CNTN6: variants seen among roughly 807,000 people sequenced by gnomAD.
CNTN6 encodes the protein contactin 6, also known as contactin-6.
CNTN6 carries 137 observed loss-of-function variants against 122.8 expected under a neutral mutation model. That is an observed-to-expected ratio of 1.12 (90% CI 0.97 to 1.29). CNTN6 has a LOEUF of 1.29. Among genes scored for constraint, CNTN6 ranks in the 50% most tolerant of loss-of-function variants. CNTN6 has a pLI of 0.00. For missense variants in CNTN6, 1,634 were observed against 1,223.4 expected, an observed-to-expected ratio of 1.34 and a Z score of -5.01; for synonymous variants, 570 against 426.0, an observed-to-expected ratio of 1.34 and a Z score of -4.16.
chr3:1,326,603 A>G (rs1426682362), intron 9 of CNTN6, among the ~76,000 whole-genome samples: 2 of 151,864 alleles, frequency 1.3e-5, no homozygotes, highest in Non-Finnish European at 2.9e-5. Flanking sequence ...TTCTTCTACA[A>G]TACCTAGAAA....
chr3:1,268,327 G>C (rs1257515769), intron 4 of CNTN6, among the ~76,000 whole-genome samples: 2 of 152,176 alleles, frequency 1.3e-5, no homozygotes, highest in Non-Finnish European at 2.9e-5. Flanking sequence ...TAGAGAGTGG[G>C]CTGGGCGCGG....
intron 16 of CNTN6, among the ~76,000 whole-genome samples, chr3:1,374,815 A>G (rs1709623977): frequency 6.6e-6 from 1 of 152,108 alleles, no homozygotes; most frequent in South Asian, 2.1e-4. Context: ...AGTGTGCACA[A>G]TTGTCAGAAG....
chr3:1,279,576 G>T (rs1693010904), intron 5 of CNTN6, among the ~76,000 whole-genome samples: 1 of 152,200 alleles, frequency 6.6e-6, no homozygotes, highest in Non-Finnish European at 1.5e-5. Flanking sequence ...CAGCTGGCAG[G>T]CAATGAAGCC....
intron 1 of CNTN6, among the ~76,000 whole-genome samples, chr3:1,101,863 G>A (rs2124959913): frequency 6.6e-6 from 1 of 152,218 alleles, no homozygotes; most frequent in South Asian, 2.1e-4. Context: ...TAAGTTTAAT[G>A]GTATGCAAAT....
chr3:1,140,522 C>T (rs1574992405), intron 1 of CNTN6, among the ~76,000 whole-genome samples: 1 of 152,144 alleles, frequency 6.6e-6, no homozygotes, highest in South Asian at 2.1e-4. Flanking sequence ...AGAAAGCTGA[C>T]TTCTATTATC....
chr3:1,355,129 A>C (rs368111547), intron 12 of CNTN6, among the ~76,000 whole-genome samples: 4 of 151,662 alleles, frequency 2.6e-5, no homozygotes, highest in Non-Finnish European at 5.9e-5. Flanking sequence ...TTTAACCTTC[A>C]TGACACATCC....
Position 1,314,629 on chromosome 3 carries a change from G to A in CNTN6, c.762-7021G>A, listed in dbSNP as rs112590894. ...AAATCAGGATGAACTAGGTCAGATG[G>A]TTAAGAAGTGTATTCTCTGTCTTCA... On this transcript the variant is annotated intron_variant, in intron 7 of 22. Transcript: ENST00000446702. Among the ~76,000 whole-genome samples, 678 of 152,184 alleles carry A rather than the reference G, an allele frequency of 4.5e-3. 3 individuals carry two copies. The highest frequency in any genetic ancestry group is 0.016 in the African/African-American group (651 of 41,556).
At chr3:1,393,785 C>G (rs958450004) in intron 20 of CNTN6, among the ~76,000 whole-genome samples, 2 of 152,004 alleles carry the variant, frequency 1.3e-5, no homozygotes, top group African/African-American at 4.8e-5. Context: ...GAACACTGAA[C>G]TAATCATTTA....
chr3:1,167,799 G>A (rs1442240291), intron 2 of CNTN6, among the ~76,000 whole-genome samples: 1 of 152,194 alleles, frequency 6.6e-6, no homozygotes, highest in Admixed American at 6.5e-5. Flanking sequence ...TCAACAGAGT[G>A]AAGGGATGCT....
intron 6 of CNTN6, among the ~76,000 whole-genome samples, chr3:1,296,853 CT>C (rs1473589718): frequency 6.6e-6 from 1 of 151,984 alleles, no homozygotes; most frequent in African/African-American, 2.4e-5. Flanking sequence ...CATGTTTTTC[CT>C]TTTTTTGTTT....
chr3:1,235,511 A>C (rs1165839692), intron 4 of CNTN6, among the ~76,000 whole-genome samples: 1 of 151,922 alleles, frequency 6.6e-6, no homozygotes, highest in Non-Finnish European at 1.5e-5. Flanking sequence ...AATTATCTGA[A>C]TTTATATCCA....
chr3:1,313,825 C>G (rs1699733858), intron 7 of CNTN6, among the ~76,000 whole-genome samples: 1 of 152,032 alleles, frequency 6.6e-6, no homozygotes, highest in Non-Finnish European at 1.5e-5. Context: ...AAGGCAACAG[C>G]AGACTTAGTG....
intron 7 of CNTN6, among the ~76,000 whole-genome samples, chr3:1,300,500 AAAG>A (rs1408066972): frequency 8.6e-5 from 11 of 127,262 alleles, no homozygotes; most frequent in African/African-American, 2.8e-4. Flanking sequence ...AGGAAAAAGA[AAAG>A]AAAGAGAAAG....
intron 5 of CNTN6, among the ~76,000 whole-genome samples, chr3:1,286,078 C>T (rs1420510568): frequency 6.6e-6 from 1 of 152,236 alleles, no homozygotes; most frequent in South Asian, 2.1e-4. Context: ...CTTTCCAGCA[C>T]ATCAAACAGA....
chr3:1,309,020 A>G (rs1272920182), intron 7 of CNTN6, among the ~76,000 whole-genome samples: 1 of 152,112 alleles, frequency 6.6e-6, no homozygotes, highest in African/African-American at 2.4e-5. Flanking sequence ...TTCTTTGCAT[A>G]TTTTGAACAT....
chr3:1,238,474 T>C lies in CNTN6; in HGVS notation c.358+10481T>C, dbSNP rs138123672. 7.2e-5 allele frequency among the ~76,000 whole-genome samples: 11 copies of C among 152,256 alleles called. No homozygotes were observed. The East Asian group carries it at 1.9e-3, about 27-fold the overall frequency. On this transcript the variant is annotated intron_variant, in intron 4 of 22. Transcript: ENST00000446702. ...TACTATACCTAAGAAATGAGATAGA[T>C]GGCAACACAATAATAGTGGAGGACT...
rs145410061 is a variant in CNTN6, at chr3:1,115,411, T to C, written c.-83+22291T>C. Among the ~76,000 whole-genome samples, 15 of 152,290 alleles carry C rather than the reference T, an allele frequency of 9.8e-5. No individual in the cohort carries two copies. In the East Asian group the frequency reaches 2.1e-3, roughly 22 times the overall value. ...TTCCAAAACATCACCATTTTCTTCATAGAGATTTTAAAGCCTTTTTCAATC... is the reference window on the plus strand; with the variant it reads ...TTCCAAAACATCACCATTTTCTTCACAGAGATTTTAAAGCCTTTTTCAATC... On this transcript the variant is annotated intron_variant, in intron 1 of 22. Coordinates refer to ENST00000446702, the MANE Select transcript of CNTN6 (RefSeq NM_001289080.2).
At chr3:1,368,734 A>T (rs935857185) in intron 12 of CNTN6, among the ~76,000 whole-genome samples, 6 of 152,332 alleles carry the variant, frequency 3.9e-5, no homozygotes, top group African/African-American at 1.4e-4. Context: ...GTATAAAATT[A>T]TGACACCAAA....
intron 8 of CNTN6, 146 bp from the exon 9 acceptor site, chr3:1,325,669 C>T: frequency 3.1e-6 from 2 of 654,130 alleles, no homozygotes; most frequent in Non-Finnish European, 2.4e-6. Flanking sequence ...GAAGCTCCTG[C>T]ATGTCCCCTC....
Sources: allele counts gnomAD v4.1 joint callset (sites outside exome capture counted in the v4.1 genomes callset), GRCh38; gene constraint gnomAD v4.1.1; transcripts MANE v1.5; gene names NCBI Gene and HGNC (gene_info 2026-07-23, HGNC 2026-07-21).